The following TIAM1 variants were observed in gnomAD, a reference collection of about 807,000 sequenced individuals.
The protein encoded by TIAM1 is rho guanine nucleotide exchange factor TIAM1.
A neutral mutation model predicts 163.5 loss-of-function variants in TIAM1; 65 were observed. The ratio of observed to expected loss-of-function variants is 0.40; its 90% CI spans 0.33 to 0.49. The LOEUF (loss-of-function observed/expected upper bound fraction) is 0.49, where lower values mean the gene tolerates loss of function less well. TIAM1 is among the 20% of genes least tolerant of loss of function. TIAM1 has a pLI of 0.77. For synonymous variants in TIAM1, 833 were observed against 810.1 expected, an observed-to-expected ratio of 1.03 and a Z score of -0.48; for missense variants, 1,789 against 2,044.7, an observed-to-expected ratio of 0.87 and a Z score of 2.41.
chr21:31,489,180 G>A (rs1397507820), intron 1 of TIAM1, among the ~76,000 whole-genome samples: 2 of 151,004 alleles, frequency 1.3e-5, no homozygotes, highest in African/African-American at 4.9e-5. Flanking sequence ...GAACAGCCTG[G>A]GCAACATAGA....
rs139549767 is a variant in TIAM1, at chr21:31,320,240, G to A, written c.-189+19003C>T. Among the ~76,000 whole-genome samples the A allele has an allele frequency of 6.6e-5, 10 of 152,210 alleles. No homozygotes were observed. In the East Asian group the frequency reaches 1.9e-3, roughly 29 times the overall value. ...ATGATGTATGATTCCACTTAGACGA[G>A]GTACCTGGAATAGGCAAATTCATAA... On this transcript the variant is annotated intron_variant, in intron 2 of 27. Coordinates refer to ENST00000541036, the MANE Select transcript of TIAM1 (RefSeq NM_001353694.2).
At chr21:31,459,944 T>G (rs887593496) in intron 2 of TIAM1, among the ~76,000 whole-genome samples, 1 of 152,168 alleles carries the variant, frequency 6.6e-6, no homozygotes, top group South Asian at 2.1e-4. Flanking sequence ...TATCTTCCCC[T>G]CTTTTTCCTC....
intron 2 of TIAM1, among the ~76,000 whole-genome samples, chr21:31,305,050 T>C (rs2074647444): frequency 6.6e-6 from 1 of 152,186 alleles, no homozygotes; most frequent in Non-Finnish European, 1.5e-5. Context: ...TTCATCACAC[T>C]GCTCTGTAGT....
chr21:31,496,912 A>C (rs2046679161), intron 1 of TIAM1, among the ~76,000 whole-genome samples: 1 of 152,180 alleles, frequency 6.6e-6, no homozygotes, highest in African/African-American at 2.4e-5. Context: ...ACCTCAGATC[A>C]TCAAGCATTA....
chr21:31,272,787 A>C (rs2073120728), intron 3 of TIAM1, among the ~76,000 whole-genome samples: 1 of 152,232 alleles, frequency 6.6e-6, no homozygotes, highest in Non-Finnish European at 1.5e-5. Flanking sequence ...AGAATATTCT[A>C]ACATAATTTC....
At chr21:31,462,861 G>A (rs546381553) in intron 2 of TIAM1, among the ~76,000 whole-genome samples, 58 of 151,754 alleles carry the variant, frequency 3.8e-4, no homozygotes, top group Admixed American at 6.6e-4. Context: ...TCCTGCCTCA[G>A]CCTCCCAAGT....
intron 2 of TIAM1, among the ~76,000 whole-genome samples, chr21:31,435,645 G>T (rs932573853): frequency 6.6e-6 from 1 of 152,124 alleles, no homozygotes; most frequent in Admixed American, 6.6e-5. Context: ...CCCCACTTTG[G>T]TTCATAAACT....
intron 1 of TIAM1, among the ~76,000 whole-genome samples, chr21:31,530,811 T>G (rs1199824820): frequency 2.0e-5 from 3 of 152,182 alleles, no homozygotes; most frequent in African/African-American, 7.2e-5. Flanking sequence ...CTCCTATCTG[T>G]TCACTCGTAT....
chr21:31,417,642 G>A (rs749960099), intron 2 of TIAM1, among the ~76,000 whole-genome samples: 5 of 152,296 alleles, frequency 3.3e-5, no homozygotes, highest in Non-Finnish European at 7.3e-5. Context: ...AACTATATCA[G>A]TGTCCTAACA....
At chr21:31,171,035 CAAAAAAA>C (rs34291568) in intron 15 of TIAM1, among the ~76,000 whole-genome samples, 4 of 19,572 alleles carry the variant, frequency 2.0e-4, no homozygotes, top group Admixed American at 6.7e-4. Flanking sequence ...GACTCCATCT[CAAAAAAA>C]AAAAAAAAAA....
intron 2 of TIAM1, among the ~76,000 whole-genome samples, chr21:31,280,886 G>T (rs2073521189): frequency 6.6e-6 from 1 of 151,734 alleles, no homozygotes; most frequent in Non-Finnish European, 1.5e-5. Flanking sequence ...AGGTTGAGGT[G>T]GGAGGATGGC....
At chr21:31,524,281 T>C (rs929871008) in intron 1 of TIAM1, among the ~76,000 whole-genome samples, 1 of 151,718 alleles carries the variant, frequency 6.6e-6, no homozygotes, top group Non-Finnish European at 1.5e-5. Flanking sequence ...GAAGTGGGGG[T>C]AGGAGTCTCA....
At chr21:31,272,173 T>C (rs547593421) in intron 3 of TIAM1, among the ~76,000 whole-genome samples, 3 of 152,272 alleles carry the variant, frequency 2.0e-5, no homozygotes, top group African/African-American at 7.2e-5. Context: ...ATTTTAAGTA[T>C]TGAATGTTTG....
chr21:31,325,977 A>G (rs2075474691), intron 2 of TIAM1, among the ~76,000 whole-genome samples: 1 of 152,198 alleles, frequency 6.6e-6, no homozygotes, highest in African/African-American at 2.4e-5. Flanking sequence ...ATTGAAGAAG[A>G]GCATCCCTTT....
intron 2 of TIAM1, among the ~76,000 whole-genome samples, chr21:31,289,581 A>C (rs2073937189): frequency 6.6e-6 from 1 of 152,198 alleles, no homozygotes; most frequent in Non-Finnish European, 1.5e-5. Flanking sequence ...GCTGTACAAC[A>C]ATTACTGTTC....
At chr21:31,376,762 A>G (rs1478669232) in intron 2 of TIAM1, among the ~76,000 whole-genome samples, 1 of 151,932 alleles carries the variant, frequency 6.6e-6, no homozygotes, top group East Asian at 1.9e-4. Flanking sequence ...GCCTTCTGTA[A>G]TATCCTGGAT....
chr21:31,141,855 A>C lies in TIAM1; in HGVS notation c.3476-351T>G, dbSNP rs1475028389. Reference sequence around the variant, plus strand: ...ACCTGGGGCCTTACTGTCCATGGGGAGACTGCCCCGCCCACGCTGGCCAGT... The same window carrying C: ...ACCTGGGGCCTTACTGTCCATGGGGCGACTGCCCCGCCCACGCTGGCCAGT... On this transcript the variant is annotated intron_variant, in intron 20 of 27. Transcript: ENST00000541036. The surrounding 1 kb of genome is among the most constrained non-coding windows in gnomAD (Gnocchi z 4.7). 6.6e-6 allele frequency among the ~76,000 whole-genome samples: 1 copy of C among 151,960 alleles called. No individual in the cohort carries two copies. Among genetic ancestry groups the C allele is most frequent in the Non-Finnish European group, 1.5e-5 (1 of 68,004 alleles).
At chr21:31,519,516 A>G (rs985008445) in intron 1 of TIAM1, among the ~76,000 whole-genome samples, 1 of 150,606 alleles carries the variant, frequency 6.6e-6, no homozygotes, top group Admixed American at 6.6e-5. Flanking sequence ...CTCAAAAAAA[A>G]AAAAAAAAAA....
At chr21:31,376,856 CTTTAT>C (rs556773719) in intron 2 of TIAM1, among the ~76,000 whole-genome samples, 292 of 151,614 alleles carry the variant, frequency 1.9e-3, no homozygotes, top group African/African-American at 6.6e-3. Flanking sequence ...GGAATTTTTA[CTTTAT>C]TTTATTTTAT....
Sources: gnomAD v4.1 joint callset for allele counts (sites outside exome capture counted in the v4.1 genomes callset) on GRCh38, gnomAD v4.1.1 for gene constraint, Gnocchi (gnomAD v3.1) non-coding constraint, MANE v1.5 for transcripts, NCBI Gene and HGNC (gene_info 2026-07-23, HGNC 2026-07-21) for gene names.